Variants in CELF2 observed in about 807,000 individuals in gnomAD.
The protein encoded by CELF2 is CUG triplet repeat RNA-binding protein 2.
CELF2 carries 8 observed loss-of-function variants against 62.6 expected under a neutral mutation model. That is an observed-to-expected ratio of 0.13 (90% CI 0.07 to 0.23). The LOEUF (loss-of-function observed/expected upper bound fraction) is 0.23, where lower values mean the gene tolerates loss of function less well. Ranked by LOEUF, CELF2 falls within the 10% of genes least tolerant of loss-of-function variation. The probability of loss-of-function intolerance (pLI) is 1.00; values close to 1 mark genes in which losing one functional copy is unlikely to be tolerated. For synonymous variants in CELF2, 258 were observed against 250.0 expected (o/e 1.03, Z -0.30); for missense variants, 333 against 671.0 (o/e 0.50, Z 5.56).
At position 11,012,643 on chromosome 10, in the gene CELF2, C is replaced by T. The variant is rs2056656280; in HGVS notation, c.53+7203C>T. On this transcript the variant is annotated intron_variant, in intron 1 of 12. Transcript: ENST00000416382. The surrounding 1 kb of genome is among the most constrained non-coding windows in gnomAD (Gnocchi z 5.5). ...TGTAGTCTGTCAAGCGGTAATGTCTCCTTTTTCTAAAATTTAACACCATGT... is the reference window on the plus strand; with the variant it reads ...TGTAGTCTGTCAAGCGGTAATGTCTTCTTTTTCTAAAATTTAACACCATGT... 6.6e-6 allele frequency among the ~76,000 whole-genome samples: 1 copy of T among 152,162 alleles called. No homozygotes were observed. Among genetic ancestry groups the T allele is most frequent in the Non-Finnish European group, 1.5e-5 (1 of 68,022 alleles).
the CELF2 span, among the ~76,000 whole-genome samples, chr10:10,702,764 T>A: frequency 6.6e-6 from 1 of 152,238 alleles, no homozygotes; most frequent in East Asian, 1.9e-4. Flanking sequence ...TTCTGTATTT[T>A]TAGTAGAGAC....
At chr10:10,869,799 A>C (rs2133346653) in intron 1 of CELF2, among the ~76,000 whole-genome samples, 1 of 152,300 alleles carries the variant, frequency 6.6e-6, no homozygotes, top group Admixed American at 6.5e-5. Flanking sequence ...TGAGTCATTT[A>C]GAAAACCGGC....
At chr10:11,287,011 T>C (rs2091479958) in intron 8 of CELF2, among the ~76,000 whole-genome samples, 1 of 152,158 alleles carries the variant, frequency 6.6e-6, no homozygotes, top group African/African-American at 2.4e-5. Flanking sequence ...AGAAGAGTGC[T>C]GTCTAGAGCA....
intron 1 of CELF2, among the ~76,000 whole-genome samples, chr10:11,044,136 CAG>C (rs1564496804): frequency 6.6e-6 from 1 of 152,010 alleles, no homozygotes; most frequent in African/African-American, 2.4e-5. Flanking sequence ...CTCAAAAAAA[CAG>C]TGTCCCATCA....
At chr10:10,645,452 C>G in the CELF2 span, among the ~76,000 whole-genome samples, 1 of 151,988 alleles carries the variant, frequency 6.6e-6, no homozygotes. Flanking sequence ...TAGGAGTTTG[C>G]GACCAGCCTT....
At chr10:11,107,169 C>G (rs956356518) in intron 1 of CELF2, among the ~76,000 whole-genome samples, 5 of 152,084 alleles carry the variant, frequency 3.3e-5, no homozygotes, top group African/African-American at 1.2e-4. Flanking sequence ...AAGTGATTGG[C>G]GGCAGAAGCA....
the CELF2 span, among the ~76,000 whole-genome samples, chr10:10,638,897 A>G: frequency 1.3e-5 from 2 of 152,220 alleles, no homozygotes; most frequent in Non-Finnish European, 2.9e-5. Context: ...CTGGCAAAGT[A>G]GAAATCTCAT....
At chr10:11,173,921 T>G (rs945673557) in intron 2 of CELF2, among the ~76,000 whole-genome samples, 1 of 152,182 alleles carries the variant, frequency 6.6e-6, no homozygotes, top group Non-Finnish European at 1.5e-5. Flanking sequence ...GTTTATATAT[T>G]CTGAAAATAG....
chr10:10,620,917 C>CAAAAA, the CELF2 span, among the ~76,000 whole-genome samples: 2 of 35,804 alleles, frequency 5.6e-5, no homozygotes, highest in Non-Finnish European at 9.1e-5. Flanking sequence ...GACCCCATCT[C>CAAAAA]AAAAAAAAAA....
the CELF2 span, among the ~76,000 whole-genome samples, chr10:10,724,137 T>C: frequency 6.6e-6 from 1 of 152,206 alleles, no homozygotes; most frequent in African/African-American, 2.4e-5. Context: ...GCATTTTCCA[T>C]AAAAATTTCA....
intron 1 of CELF2, among the ~76,000 whole-genome samples, chr10:11,057,841 C>T (rs2065675738): frequency 6.6e-6 from 1 of 152,152 alleles, no homozygotes; most frequent in Admixed American, 6.5e-5. Context: ...TAAGATACTG[C>T]ATCCAACAAG....
chr10:10,774,141 A>C, the CELF2 span, among the ~76,000 whole-genome samples: 1 of 152,188 alleles, frequency 6.6e-6, no homozygotes, highest in African/African-American at 2.4e-5. Flanking sequence ...TCTTTCTATC[A>C]GCAGAGAAAT....
intron 5 of CELF2, among the ~76,000 whole-genome samples, chr10:11,266,236 C>A (rs1222934444): frequency 1.3e-5 from 2 of 152,014 alleles, no homozygotes; most frequent in Admixed American, 6.6e-5. Context: ...CAGTAAAGAT[C>A]ATCAGTCAAG....
At chr10:10,611,718 A>G in the CELF2 span, among the ~76,000 whole-genome samples, 3 of 152,210 alleles carry the variant, frequency 2.0e-5, no homozygotes, top group African/African-American at 7.2e-5. Flanking sequence ...AATTATGTAC[A>G]TACACTCAAA....
chr10:11,222,060 G>T (rs912045449), intron 3 of CELF2, among the ~76,000 whole-genome samples: 7 of 152,188 alleles, frequency 4.6e-5, no homozygotes, highest in African/African-American at 1.4e-4. Context: ...AGAGATAATG[G>T]ACCAGTGTGG....
At chr10:10,465,236 A>G in the CELF2 span, among the ~76,000 whole-genome samples, 2 of 152,152 alleles carry the variant, frequency 1.3e-5, no homozygotes, top group Non-Finnish European at 2.9e-5. Context: ...ACTATGTGAC[A>G]GGAAGTATAT....
intron 1 of CELF2, among the ~76,000 whole-genome samples, chr10:11,077,550 T>G (rs1475558241): frequency 6.6e-6 from 1 of 152,200 alleles, no homozygotes; most frequent in African/African-American, 2.4e-5. Context: ...GTGTATGCTT[T>G]TGTCTTCTGG....
chr10:11,323,651 A>G (rs955125645), intron 11 of CELF2, among the ~76,000 whole-genome samples: 5 of 152,006 alleles, frequency 3.3e-5, no homozygotes, highest in African/African-American at 1.2e-4. Context: ...CCAGTTCTTT[A>G]TGCCAGATCA....
chr10:10,810,199 G>A lies in CELF2; in HGVS notation c.53+11382G>A, dbSNP rs190795503. ...CTTTCATTTTTAATATTAGCCATGA[G>A]TCAGGCATAAATACAATAATACAAA... On this transcript the variant is annotated intron_variant, in intron 1 of 13. Transcript: ENST00000636488. Among the ~76,000 whole-genome samples the A allele has an allele frequency of 1.8e-3, 274 of 152,302 alleles. 2 individuals are homozygous for A. The highest frequency in any genetic ancestry group is 6.2e-3 in the African/African-American group (257 of 41,562).
Sources: gnomAD v4.1 joint callset for allele counts (sites outside exome capture counted in the v4.1 genomes callset) on GRCh38, gnomAD v4.1.1 for gene constraint, Gnocchi (gnomAD v3.1) non-coding constraint, MANE v1.5 for transcripts, NCBI Gene and HGNC (gene_info 2026-07-23, HGNC 2026-07-21) for gene names.